Variants in ZFP90 observed in about 807,000 individuals in gnomAD.
ZFP90 encodes zinc finger protein 90 homolog.
In ZFP90, 38 loss-of-function variants were observed where a neutral mutation model predicts 60.8. The ratio of observed to expected loss-of-function variants is 0.62; its 90% CI spans 0.48 to 0.82. ZFP90 has a LOEUF of 0.82. Ranked by LOEUF, ZFP90 falls within the 40% of genes least tolerant of loss-of-function variation. ZFP90 has a pLI of 0.00. For synonymous variants in ZFP90, 287 were observed against 264.8 expected, an observed-to-expected ratio of 1.08 and a Z score of -0.82; for missense variants, 711 against 759.1, an observed-to-expected ratio of 0.94 and a Z score of 0.74.
At chr16:68,553,856 C>T (rs1425176499) in intron 2 of ZFP90, among the ~76,000 whole-genome samples, 1 of 152,066 alleles carries the variant, frequency 6.6e-6, no homozygotes, top group Non-Finnish European at 1.5e-5. Flanking sequence ...AACTCCTGGC[C>T]TCTAGTGATC....
At position 68,563,195 on chromosome 16, in the gene ZFP90, A is replaced by G. The variant is rs768882621; in HGVS notation, c.408A>G (p.Arg136=). ...ACAGGCAACAGGAAAACTGGAAGAG[A>G]CATCTGGGATCAGAGGCATCCACCC... ...QLDRQQENWK[R]HLGSEASTQK... The change falls in exon 5 of 5, where the codon AGA becomes AGG. Residue 136 remains arginine (R), a synonymous_variant. Transcript: ENST00000563169. 4.3e-6 allele frequency: 7 copies of G among 1,614,180 alleles called. No individual in the cohort carries two copies. The highest frequency in any genetic ancestry group is 5.9e-6 in the Non-Finnish European group (7 of 1,180,022).
At chr16:68,540,422 AC>A (rs1265423826) in intron 2 of ZFP90, among the ~76,000 whole-genome samples, 1 of 151,868 alleles carries the variant, frequency 6.6e-6, no homozygotes, top group Non-Finnish European at 1.5e-5. Flanking sequence ...TAATAGAGCA[AC>A]TCACTCCCCA....
chr16:68,538,389 G>C (rs1728764), upstream of ZFP90, among the ~76,000 whole-genome samples: 116,583 of 152,132 alleles, frequency 0.77, 44,762 homozygotes, highest in East Asian at 0.82. Context: ...TTACATAAAC[G>C]TAATAGCTGT....
At chr16:68,560,755 A>G (rs1255548453) in intron 4 of ZFP90, among the ~76,000 whole-genome samples, 3 of 151,022 alleles carry the variant, frequency 2.0e-5, no homozygotes, top group African/African-American at 7.3e-5. Context: ...TGGGGTTTCT[A>G]CTAAACTGCT....
rs1555500986 is a variant in ZFP90, at chr16:68,574,489, T to TG, written c.224-1301dup. On this transcript the variant is annotated intron_variant, in intron 2 of 2. Coordinates refer to the ZFP90 transcript ENST00000573113. ...ACAGAAAATAAGCTGGCAAACATGT[T>TG]GAAAAAAAAAAAATTATTCCCAAAA... Among the ~76,000 whole-genome samples the TG allele has an allele frequency of 6.9e-3, 365 of 52,834 alleles. 1 individual carries two copies. The highest frequency in any genetic ancestry group is 0.031 in the African/African-American group (349 of 11,126). The allele number at this position is 52,834 out of a possible 152,430, so 34.7% of individuals were successfully genotyped here. A position where few individuals can be genotyped will look rare whatever the true frequency, so the allele number is the denominator to read the frequency against.
At chr16:68,546,714 G>T (rs146596283) in intron 2 of ZFP90, among the ~76,000 whole-genome samples, 1 of 152,134 alleles carries the variant, frequency 6.6e-6, no homozygotes, top group Admixed American at 6.5e-5. Flanking sequence ...GATTCATCAT[G>T]TTGGCCAGGC....
rs531471647 is a variant in ZFP90 at position 68,572,314 on chromosome 16, G to T, written c.224-3477G>T. 3.9e-5 allele frequency among the ~76,000 whole-genome samples: 6 copies of T among 152,282 alleles called. No homozygotes were observed. In the South Asian group the frequency reaches 1.2e-3, roughly 32 times the overall value. ...GCTGTGAACAGGAAGTATTATTGTA[G>T]TAATTAATGGGGCTTTTATTTTACT... On this transcript the variant is annotated intron_variant, in intron 2 of 2. Coordinates refer to the ZFP90 transcript ENST00000573113.
At position 68,566,373 on chromosome 16, in the gene ZFP90, G is replaced by A. The variant is rs16958128; in HGVS notation, c.*1675G>A. On this transcript the variant is annotated 3_prime_UTR_variant, in exon 5 of 5. Coordinates refer to ENST00000563169, the MANE Select transcript of ZFP90 (RefSeq NM_001305203.2). ...TTCCCAGCCCTAAATATGAATCATG[G>A]GGCAAGATATTGGTCGTATTGATGG... 8.9e-3 allele frequency: 8,777 copies of A among 985,440 alleles called. 456 individuals are homozygous for A. The African/African-American group carries it at 0.13, about 14-fold the overall frequency. 61.0% of individuals were successfully genotyped at this position (985,440 alleles called of 1,614,324 possible).
chr16:68,562,944 C>T, intron 4 of ZFP90, 100 bp from the exon 5 acceptor site: 2 of 1,558,480 alleles, frequency 1.3e-6, no homozygotes, highest in Non-Finnish European at 1.7e-6. Flanking sequence ...AATTTCAAAA[C>T]AGAGTCATAT....
Position 68,539,768 on chromosome 16 carries a change from G to A in ZFP90, c.-25G>A, listed in dbSNP as rs375503133. 117 of 1,577,060 alleles carry A rather than the reference G, an allele frequency of 7.4e-5. 1 individual carries two copies. The highest frequency in any genetic ancestry group is 3.3e-4 in the Middle Eastern group (2 of 6,022). ...GTCCTTTCTCCCCAGCTCCTGCCCC[G>A]GAGCCGGGCCCTGGCGAGGCAGGAA... On this transcript the variant is annotated 5_prime_UTR_variant, in exon 2 of 5. Transcript: ENST00000563169.
At chr16:68,569,895 C>T (rs1170426), downstream of ZFP90, among the ~76,000 whole-genome samples, 116,956 of 152,130 alleles carry the variant, frequency 0.77, 45,036 homozygotes, top group East Asian at 0.82. Context: ...AAGATCAAGT[C>T]GTCCTCTAGT....
downstream of ZFP90, among the ~76,000 whole-genome samples, chr16:68,568,635 T>C (rs912666197): frequency 3.3e-5 from 5 of 152,170 alleles, no homozygotes; most frequent in Admixed American, 1.3e-4. Context: ...AGTAAAAATA[T>C]GAACACAACA....
downstream of ZFP90, among the ~76,000 whole-genome samples, chr16:68,569,924 A>C (rs189245064): frequency 5.3e-5 from 8 of 151,966 alleles, no homozygotes; most frequent in Non-Finnish European, 1.0e-4. Context: ...TCCCATCCTT[A>C]AACTAGGGCA....
At chr16:68,552,512 TGGTGAAG>T (rs2091279227) in intron 2 of ZFP90, among the ~76,000 whole-genome samples, 1 of 152,060 alleles carries the variant, frequency 6.6e-6, no homozygotes, top group Non-Finnish European at 1.5e-5. Flanking sequence ...GACCAAGTCT[TGGTGAAG>T]AGTGAAGAGT....
At chr16:68,569,699 G>A (rs961145923), downstream of ZFP90, among the ~76,000 whole-genome samples, 4 of 151,976 alleles carry the variant, frequency 2.6e-5, no homozygotes, top group African/African-American at 7.3e-5. Flanking sequence ...CCAGGAGTTC[G>A]AGACCAGTCT....
At position 68,575,719 on chromosome 16, in the gene ZFP90, T is replaced by C. The variant is rs538443937; in HGVS notation, c.224-72T>C. The C allele has an allele frequency of 2.0e-5, 8 of 397,450 alleles. No individual in the cohort carries two copies. The Admixed American group carries it at 3.5e-4, about 18-fold the overall frequency. 24.6% of individuals were successfully genotyped at this position (397,450 alleles called of 1,614,324 possible). On this transcript the variant is annotated intron_variant, in intron 2 of 2. Transcript: ENST00000573113. ...TCCGGTCTGTGGATTTACCGAGGAT[T>C]TGTAGCTAGGCATCAAACTGTCTTC... is the stretch of plus-strand genomic sequence containing the variant.
At chr16:68,575,733 C>A in intron 2 of ZFP90, 1 of 397,890 alleles carries the variant, frequency 2.5e-6, no homozygotes, top group South Asian at 1.3e-4. Context: ...AGCTAGGCAT[C>A]AAACTGTCTT....
At chr16:68,535,190 A>C (rs1485059041), upstream of ZFP90, among the ~76,000 whole-genome samples, 13 of 152,204 alleles carry the variant, frequency 8.5e-5, no homozygotes, top group Admixed American at 7.9e-4. Context: ...AAGCACTGTT[A>C]GCCGAGAACC....
At chr16:68,575,226 T>C (rs1041486522) in intron 2 of ZFP90, among the ~76,000 whole-genome samples, 1 of 152,234 alleles carries the variant, frequency 6.6e-6, no homozygotes, top group African/African-American at 2.4e-5. Flanking sequence ...TGTGCCTGGC[T>C]TGTGCACTGG....
Sources: gnomAD v4.1 joint callset for allele counts (sites outside exome capture counted in the v4.1 genomes callset) on GRCh38, gnomAD v4.1.1 for gene constraint, MANE v1.5 for transcripts, NCBI Gene and HGNC (gene_info 2026-07-23, HGNC 2026-07-21) for gene names.